ZSCAN4: variants seen among roughly 807,000 people sequenced by gnomAD.
The protein encoded by ZSCAN4 is zinc finger and SCAN domain containing 4, also known as zinc finger and SCAN domain-containing protein 4.
Under a neutral mutation model 18.3 loss-of-function variants are expected in ZSCAN4, and 18 were observed. That is an observed-to-expected ratio of 0.98 (90% CI 0.68 to 1.46). The LOEUF is 1.46. ZSCAN4 is among the 40% of genes most tolerant of loss of function. The pLI, the probability that ZSCAN4 is intolerant of heterozygous loss-of-function variation, is 0.00. For missense variants in ZSCAN4, 498 were observed against 511.4 expected (o/e 0.97, Z 0.25); for synonymous variants, 193 against 180.3 (o/e 1.07, Z -0.57).
chr19:57,657,917 T>C, the ZSCAN4 span, among the ~76,000 whole-genome samples: 1 of 152,214 alleles, frequency 6.6e-6, no homozygotes, highest in Non-Finnish European at 1.5e-5. Context: ...ATAGTTGTAT[T>C]GTTTAGGGAG....
At chr19:57,673,749 G>GATT (rs201203110) in intron 2 of ZSCAN4, among the ~76,000 whole-genome samples, 1,798 of 151,510 alleles carry the variant, frequency 0.012, 19 homozygotes, top group Non-Finnish European at 0.017. Context: ...TGATGATGAT[G>GATT]ATTATTATTA....
the ZSCAN4 span, among the ~76,000 whole-genome samples, chr19:57,656,850 G>A: frequency 1.3e-5 from 2 of 152,030 alleles, no homozygotes; most frequent in Non-Finnish European, 2.9e-5. Flanking sequence ...AGCTGGGCAT[G>A]GTGGTGTGTG....
At chr19:57,678,502 T>C (rs775848553) in exon 5 of ZSCAN4, 1 of 1,614,084 alleles carries the variant, frequency 6.2e-7, no homozygotes, top group Admixed American at 1.7e-5. Context: ...ACATGTGAGG[T>C]ACATCAGAAA....
At chr19:57,673,740 G>A (rs909283922) in intron 2 of ZSCAN4, among the ~76,000 whole-genome samples, 1 of 151,916 alleles carries the variant, frequency 6.6e-6, no homozygotes, top group Admixed American at 6.6e-5. Flanking sequence ...ATTTTCTGAT[G>A]ATGATGATGA....
chr19:57,661,756 T>G, the ZSCAN4 span, among the ~76,000 whole-genome samples: 1 of 152,192 alleles, frequency 6.6e-6, no homozygotes, highest in Non-Finnish European at 1.5e-5. Context: ...GTACTCAGAA[T>G]TTTGACATCT....
At chr19:57,674,810 ACT>A (rs1298393047) in intron 2 of ZSCAN4, among the ~76,000 whole-genome samples, 5 of 151,964 alleles carry the variant, frequency 3.3e-5, no homozygotes, top group Non-Finnish European at 7.4e-5. Flanking sequence ...CAAAATCAAG[ACT>A]CTATAAATAT....
chr19:57,657,122 G>A, the ZSCAN4 span, among the ~76,000 whole-genome samples: 2 of 151,966 alleles, frequency 1.3e-5, no homozygotes, highest in South Asian at 2.1e-4. Flanking sequence ...CAGGAGTGGT[G>A]GCAGGCACCT....
At chr19:57,676,055 G>T in exon 3 of ZSCAN4, 1 of 1,288,382 alleles carries the variant, frequency 7.8e-7, no homozygotes, top group Non-Finnish European at 1.1e-6. Flanking sequence ...CAGTTTTAAA[G>T]AATCCACCAA....
chr19:57,668,189 C>T (rs1208132267), upstream of ZSCAN4, among the ~76,000 whole-genome samples: 1 of 152,124 alleles, frequency 6.6e-6, no homozygotes, highest in Non-Finnish European at 1.5e-5. Context: ...CAGGCATGAG[C>T]CACTGCGCCC....
In ZSCAN4 at chr19:57,678,946, TG is replaced by T. The variant is rs761770038; in HGVS notation, c.*42del. On this transcript the variant is annotated 3_prime_UTR_variant, in exon 5 of 5. Coordinates refer to ENST00000318203, the Ensembl canonical transcript of ZSCAN4. ...ATGTGTATAAATATGTATGCAAGTATGTATATTCCTATAGTATTTATCTACT... is the reference window on the plus strand; with the variant it reads ...ATGTGTATAAATATGTATGCAAGTATTATATTCCTATAGTATTTATCTACT... The T allele has an allele frequency of 1.3e-5, 19 of 1,518,408 alleles. No homozygotes were observed. The South Asian group carries it at 2.3e-4, about 18-fold the overall frequency. 94.1% of individuals were successfully genotyped at this position (1,518,408 alleles called of 1,614,324 possible). A position where few individuals can be genotyped will look rare whatever the true frequency, so the allele number is the denominator to read the frequency against.
intron 2 of ZSCAN4, among the ~76,000 whole-genome samples, chr19:57,671,802 T>TGATGC (rs1202407091): frequency 1.3e-5 from 2 of 152,226 alleles, no homozygotes; most frequent in African/African-American, 4.8e-5. Flanking sequence ...CCTTATTAAC[T>TGATGC]GATGCGATCA....
At chr19:57,657,271 GCAA>G in the ZSCAN4 span, among the ~76,000 whole-genome samples, 1 of 149,396 alleles carries the variant, frequency 6.7e-6, no homozygotes, top group African/African-American at 2.5e-5. Context: ...CCGTCTGTCT[GCAA>G]CAGAGCTAGA....
exon 5 of ZSCAN4, chr19:57,678,843 C>T: frequency 1.2e-6 from 2 of 1,613,314 alleles, no homozygotes; most frequent in South Asian, 2.2e-5. Flanking sequence ...ATACCACCGC[C>T]ATATGAGGAC....
upstream of ZSCAN4, chr19:57,664,705 G>T: frequency 4.5e-6 from 1 of 221,352 alleles, no homozygotes; most frequent in South Asian, 7.9e-5. Context: ...AGAAGGTTTT[G>T]GGATTCGAAT....
the ZSCAN4 span, among the ~76,000 whole-genome samples, chr19:57,658,138 T>C: frequency 6.6e-6 from 1 of 152,192 alleles, no homozygotes; most frequent in South Asian, 2.1e-4. Flanking sequence ...CTGTGTTACA[T>C]TTATAAATAG....
the ZSCAN4 span, among the ~76,000 whole-genome samples, chr19:57,660,258 A>C: frequency 1.3e-5 from 2 of 152,216 alleles, no homozygotes; most frequent in African/African-American, 4.8e-5. Flanking sequence ...ATATAGCAGG[A>C]AGGTCATTTG....
At chr19:57,663,584 C>T in the ZSCAN4 span, among the ~76,000 whole-genome samples, 1 of 145,014 alleles carries the variant, frequency 6.9e-6, no homozygotes, top group African/African-American at 2.6e-5. Flanking sequence ...GTAATCCCAG[C>T]TACTTTCAGC....
the ZSCAN4 span, among the ~76,000 whole-genome samples, chr19:57,663,643 G>A: frequency 6.7e-6 from 1 of 148,470 alleles, no homozygotes. Context: ...GGAGGCAAAG[G>A]TTGCAGTGAG....
Position 57,676,629 on chromosome 19 carries a change from G to T in ZSCAN4, c.396+88G>T, listed in dbSNP as rs1451624791. On this transcript the variant is annotated intron_variant, in intron 3 of 4. Coordinates refer to ENST00000318203, the Ensembl canonical transcript of ZSCAN4. Reference sequence around the variant, plus strand: ...CAGTTAGAGTTGTCTGGAAGTTAGAGAAGCTATTGGAGGTCCAGTTATTAG... The same window carrying T: ...CAGTTAGAGTTGTCTGGAAGTTAGATAAGCTATTGGAGGTCCAGTTATTAG... The T allele has an allele frequency of 3.5e-6, 5 of 1,432,974 alleles. No individual in the cohort carries two copies. In the African/African-American group the frequency reaches 7.2e-5, roughly 21 times the overall value. The allele number at this position is 1,432,974 out of a possible 1,614,324, so 88.8% of individuals were successfully genotyped here.
Sources: gnomAD v4.1 joint callset for allele counts (sites outside exome capture counted in the v4.1 genomes callset) on GRCh38, gnomAD v4.1.1 for gene constraint, MANE v1.5 for transcripts, NCBI Gene and HGNC (gene_info 2026-07-23, HGNC 2026-07-21) for gene names.